UNC80: variants seen among roughly 807,000 people sequenced by gnomAD.
UNC80 encodes the protein unc-80 subunit of NALCN channel complex.
In UNC80, 164 loss-of-function variants were observed where a neutral mutation model predicts 384.6. That is an observed-to-expected ratio of 0.43 (90% confidence interval 0.38 to 0.49). The LOEUF is 0.49. Among genes scored for constraint, UNC80 ranks in the 20% least tolerant of loss-of-function variants. The pLI is 0.00. For synonymous variants in UNC80, 1,486 were observed against 1,527.8 expected (o/e 0.97, Z 0.64); for missense variants, 3,330 against 4,143.0 (o/e 0.80, Z 5.39).
intron 31 of UNC80, among the ~76,000 whole-genome samples, chr2:209,917,403 T>A (rs1401756509): frequency 6.6e-6 from 1 of 152,238 alleles, no homozygotes; most frequent in African/African-American, 2.4e-5. Context: ...GAGGTAGTTT[T>A]TAAAGGATAA....
At chr2:209,811,490 G>T (rs1448391597) in intron 7 of UNC80, among the ~76,000 whole-genome samples, 1 of 152,186 alleles carries the variant, frequency 6.6e-6, no homozygotes, top group Non-Finnish European at 1.5e-5. Context: ...AACTAGGGTG[G>T]TGTCTGTGGA....
At chr2:209,857,600 C>T (rs532068816) in intron 22 of UNC80, among the ~76,000 whole-genome samples, 37 of 152,064 alleles carry the variant, frequency 2.4e-4, no homozygotes, top group African/African-American at 8.4e-4. Context: ...TATTTTCTCT[C>T]ATGCTTTGGG....
At chr2:209,934,039 TA>T (rs759079931) in intron 39 of UNC80, 34 bp downstream of exon 39, 98 of 1,471,012 alleles carry the variant, frequency 6.7e-5, no homozygotes, top group East Asian at 1.3e-4. Flanking sequence ...AACATAACTT[TA>T]AAAAAAAATT....
intron 7 of UNC80, among the ~76,000 whole-genome samples, chr2:209,811,312 G>C (rs1431362825): frequency 6.6e-6 from 1 of 152,130 alleles, no homozygotes; most frequent in Non-Finnish European, 1.5e-5. Context: ...AACCCAGCCA[G>C]ACTATTCAGG....
At chr2:209,972,985 G>C (rs2092921867) in intron 55 of UNC80, 79 bp from the exon 56 acceptor site, 1 of 1,369,648 alleles carries the variant, frequency 7.3e-7, no homozygotes, top group African/African-American at 1.4e-5. Context: ...AAAGAGCTGA[G>C]TTTTTCTGTA....
intron 10 of UNC80, 83 bp downstream of exon 10, chr2:209,817,208 T>C (rs1193286509): frequency 7.4e-7 from 1 of 1,350,692 alleles, no homozygotes; most frequent in African/African-American, 1.5e-5. Context: ...CAAATCTGAA[T>C]CTTTCTTGAA....
intron 41 of UNC80, among the ~76,000 whole-genome samples, chr2:209,937,252 T>C (rs1258801501): frequency 1.3e-5 from 2 of 152,234 alleles, no homozygotes; most frequent in African/African-American, 4.8e-5. Flanking sequence ...GTATAATACC[T>C]GTGTGTGTCT....
chr2:209,794,825 A>G (rs1396108966), intron 7 of UNC80: 3 of 454,666 alleles, frequency 6.6e-6, no homozygotes, highest in Non-Finnish European at 1.3e-5. Flanking sequence ...CATGATTCTG[A>G]GGCCTTCTCA....
chr2:209,782,973 G>A (rs187421785), intron 4 of UNC80, among the ~76,000 whole-genome samples: 116 of 150,768 alleles, frequency 7.7e-4, no homozygotes, highest in African/African-American at 2.7e-3. Flanking sequence ...TCAATGTGCT[G>A]GAGAAACAGC....
intron 6 of UNC80, among the ~76,000 whole-genome samples, chr2:209,791,018 A>T (rs1470175023): frequency 6.6e-6 from 1 of 152,168 alleles, no homozygotes; most frequent in Non-Finnish European, 1.5e-5. Flanking sequence ...ATATTATGTT[A>T]TACTTAATCC....
intron 22 of UNC80, among the ~76,000 whole-genome samples, chr2:209,860,330 A>G (rs1254355205): frequency 1.3e-5 from 2 of 152,126 alleles, no homozygotes; most frequent in African/African-American, 2.4e-5. Flanking sequence ...GTTGAAGATT[A>G]TATGGTTGTA....
rs1040352628 is a variant in UNC80, at chr2:209,904,862, G to A, written c.4679G>A (p.Arg1560Gln). 8 of 1,551,744 alleles carry A rather than the reference G, an allele frequency of 5.2e-6. No individual in the cohort carries two copies. Among genetic ancestry groups the A allele is most frequent in the African/African-American group, 4.1e-5 (3 of 73,034 alleles). ...CTGCACCACAGCCGCTCCTGTGCCC[G>A]ACTGGTCAGAGCCATCAAGCTACTC... ...CYLHHSRSCA[R>Q]LVRAIKLLYG... The change falls in exon 29 of 65, where the codon CGA becomes CAA. Residue 1560 changes from arginine (R) to glutamine (Q), a missense_variant. By Grantham distance (43) the Arg-to-Gln change is conservative (BLOSUM62 1). Coordinates refer to ENST00000673920, the MANE Select transcript of UNC80 (RefSeq NM_001371986.1).
At chr2:209,860,937 G>C (rs2083299925) in intron 22 of UNC80, among the ~76,000 whole-genome samples, 1 of 152,194 alleles carries the variant, frequency 6.6e-6, no homozygotes, top group African/African-American at 2.4e-5. Context: ...ATCAGTTTAA[G>C]GAGTTTTGGT....
At chr2:209,816,220 G>C (rs960576993) in intron 9 of UNC80, among the ~76,000 whole-genome samples, 2 of 152,234 alleles carry the variant, frequency 1.3e-5, no homozygotes, top group East Asian at 1.9e-4. Context: ...TACATCTTCA[G>C]ATTCAATCCC....
At chr2:209,825,001 G>T (rs955366750) in intron 13 of UNC80, among the ~76,000 whole-genome samples, 1 of 152,090 alleles carries the variant, frequency 6.6e-6, no homozygotes, top group South Asian at 2.1e-4. Flanking sequence ...CACAGGTAAG[G>T]AAACAAAAAC....
intron 47 of UNC80, among the ~76,000 whole-genome samples, chr2:209,950,436 A>C (rs1257191720): frequency 6.6e-6 from 1 of 151,406 alleles, no homozygotes; most frequent in Non-Finnish European, 1.5e-5. Flanking sequence ...TATTCTTTTC[A>C]GGAGTTTATC....
chr2:209,818,858 C>T (rs1166214272), intron 11 of UNC80, 135 bp from the exon 12 acceptor site: 1 of 1,047,290 alleles, frequency 9.5e-7, no homozygotes, highest in Non-Finnish European at 1.4e-6. Context: ...CTGAGACTAG[C>T]TTTGAGACTA....
intron 27 of UNC80, among the ~76,000 whole-genome samples, chr2:209,895,924 T>G (rs1038230122): frequency 1.3e-5 from 2 of 152,172 alleles, no homozygotes; most frequent in African/African-American, 4.8e-5. Context: ...GAGGCAGCAG[T>G]CACTGTGAGG....
intron 22 of UNC80, among the ~76,000 whole-genome samples, chr2:209,862,589 C>T (rs530527296): frequency 7.1e-6 from 1 of 141,026 alleles, no homozygotes; most frequent in African/African-American, 2.7e-5. Flanking sequence ...CCTTCTTTGT[C>T]TTTTTTGATC....
Sources: gnomAD v4.1 joint callset for allele counts (sites outside exome capture counted in the v4.1 genomes callset) on GRCh38, gnomAD v4.1.1 for gene constraint, MANE v1.5 for transcripts, NCBI Gene and HGNC (gene_info 2026-07-23, HGNC 2026-07-21) for gene names.